GNAI1: variants seen among roughly 807,000 people sequenced by gnomAD.
GNAI1 encodes the protein guanine nucleotide-binding protein G(i) subunit alpha-1.
A neutral mutation model predicts 38.9 loss-of-function variants in GNAI1; 11 were observed. The observed-to-expected ratio is 0.28, with a 90% CI of 0.18 to 0.47. The LOEUF is 0.47. Ranked by LOEUF, GNAI1 falls within the 20% of genes least tolerant of loss-of-function variation. GNAI1 has a pLI of 0.99. For synonymous variants in GNAI1, 166 were observed against 145.1 expected (o/e 1.14, Z -1.04); for missense variants, 317 against 436.9 (o/e 0.73, Z 2.45).
intron 1 of GNAI1, among the ~76,000 whole-genome samples, chr7:80,178,087 A>G (rs1788222183): frequency 6.6e-6 from 1 of 152,238 alleles, no homozygotes; most frequent in South Asian, 2.1e-4. Context: ...TTGGGACTTC[A>G]GTAGAGGAAG....
At chr7:80,140,733 A>G (rs1477739646) in intron 1 of GNAI1, among the ~76,000 whole-genome samples, 2 of 152,168 alleles carry the variant, frequency 1.3e-5, no homozygotes, top group Non-Finnish European at 2.9e-5. Flanking sequence ...TAGGGCAAAA[A>G]ATTTTTTTTA....
intron 5 of GNAI1, among the ~76,000 whole-genome samples, chr7:80,207,038 T>C (rs937337201): frequency 4.6e-5 from 7 of 151,916 alleles, no homozygotes; most frequent in African/African-American, 7.3e-5. Flanking sequence ...ATGTGTGGAG[T>C]TGGAGTTAAC....
At chr7:80,171,054 C>T (rs912686333) in intron 1 of GNAI1, among the ~76,000 whole-genome samples, 23 of 152,088 alleles carry the variant, frequency 1.5e-4, no homozygotes, top group African/African-American at 5.6e-4. Context: ...TCTCTTAGTC[C>T]TAGAGCAACT....
At chr7:80,158,179 C>T (rs1255394899) in intron 1 of GNAI1, among the ~76,000 whole-genome samples, 2 of 152,162 alleles carry the variant, frequency 1.3e-5, no homozygotes, top group African/African-American at 4.8e-5. Context: ...CAACTTTGTT[C>T]TTCTCCTTCA....
chr7:80,208,031 C>G (rs1002115053), intron 5 of GNAI1, among the ~76,000 whole-genome samples: 1 of 152,084 alleles, frequency 6.6e-6, no homozygotes, highest in African/African-American at 2.4e-5. Context: ...AATGCAACAT[C>G]CAGTTTATGA....
At chr7:80,172,417 G>T (rs901462650) in intron 1 of GNAI1, among the ~76,000 whole-genome samples, 1 of 152,160 alleles carries the variant, frequency 6.6e-6, no homozygotes, top group Non-Finnish European at 1.5e-5. Context: ...ATCAGATTTT[G>T]TCTGTCAAAC....
chr7:80,201,814 A>G (rs1409450545), intron 4 of GNAI1, among the ~76,000 whole-genome samples: 1 of 152,222 alleles, frequency 6.6e-6, no homozygotes, highest in African/African-American at 2.4e-5. Context: ...TTAAGATGGC[A>G]CTAATGCGGC....
chr7:80,203,502 G>A (rs1434314700), intron 4 of GNAI1, among the ~76,000 whole-genome samples: 1 of 152,054 alleles, frequency 6.6e-6, no homozygotes, highest in Non-Finnish European at 1.5e-5. Flanking sequence ...TGTGGTTGCA[G>A]AGGTGTAAAC....
chr7:80,161,690 G>A (rs1787926331), intron 1 of GNAI1, among the ~76,000 whole-genome samples: 1 of 152,138 alleles, frequency 6.6e-6, no homozygotes. Context: ...TGCTGTGCTT[G>A]TTTCTAAAGT....
chr7:80,170,389 T>C (rs555628648), intron 1 of GNAI1, among the ~76,000 whole-genome samples: 1 of 152,334 alleles, frequency 6.6e-6, no homozygotes, highest in South Asian at 2.1e-4. Flanking sequence ...CCCTGATGAC[T>C]AATGTTATTG....
At chr7:80,216,060 G>A (rs906898636) in intron 7 of GNAI1, among the ~76,000 whole-genome samples, 1 of 152,082 alleles carries the variant, frequency 6.6e-6, no homozygotes, top group Non-Finnish European at 1.5e-5. Context: ...CAAAAGAGGG[G>A]TTTAAACAGT....
At chr7:80,212,154 G>A (rs948457421) in intron 6 of GNAI1, among the ~76,000 whole-genome samples, 1 of 152,058 alleles carries the variant, frequency 6.6e-6, no homozygotes, top group Non-Finnish European at 1.5e-5. Context: ...AGTAGGTGCA[G>A]TGCAACACCA....
intron 3 of GNAI1, among the ~76,000 whole-genome samples, chr7:80,197,983 T>C (rs915829173): frequency 6.6e-6 from 1 of 152,068 alleles, no homozygotes; most frequent in Admixed American, 6.6e-5. Flanking sequence ...AAATTAGGAA[T>C]TGTCCACCCA....
chr7:80,154,049 A>G (rs1486704791), intron 1 of GNAI1, among the ~76,000 whole-genome samples: 3 of 152,100 alleles, frequency 2.0e-5, no homozygotes, highest in Non-Finnish European at 4.4e-5. Flanking sequence ...TAGCCCCCCA[A>G]GTAGCTGGGA....
Position 80,135,098 on chromosome 7 carries a change from C to G in GNAI1, c.-63C>G. On this transcript the variant is annotated 5_prime_UTR_variant, in exon 1 of 8. Transcript: ENST00000649796. ...CCCGCTAGGAGAGAGAAAGGATTCC[C>G]CTGTGCTTGGAGCCCGCACTCGGGC... The G allele has an allele frequency of 8.7e-7, 1 of 1,150,100 alleles. No homozygotes were observed. Among genetic ancestry groups the G allele is most frequent in the South Asian group, 1.9e-5 (1 of 52,476 alleles). The allele number at this position is 1,150,100 out of a possible 1,614,324, so 71.2% of individuals were successfully genotyped here.
intron 1 of GNAI1, among the ~76,000 whole-genome samples, chr7:80,141,361 C>T (rs778275170): frequency 6.6e-6 from 1 of 152,180 alleles, no homozygotes; most frequent in Non-Finnish European, 1.5e-5. Context: ...GGGTGTAATC[C>T]ATACTGGGAC....
chr7:80,140,634 C>T (rs1002386431), intron 1 of GNAI1, among the ~76,000 whole-genome samples: 13 of 152,124 alleles, frequency 8.5e-5, no homozygotes, highest in African/African-American at 2.4e-4. Context: ...TTGAGTCTTA[C>T]GAACTAAGGT....
At chr7:80,135,954 A>T (rs1787406887) in intron 1 of GNAI1, 1 of 985,146 alleles carries the variant, frequency 1.0e-6, no homozygotes. Flanking sequence ...GCTTTGCTTT[A>T]GTAGTAGGCA....
chr7:80,181,914 A>G lies in GNAI1; in HGVS notation c.119-7037A>G, dbSNP rs982061854. On this transcript the variant is annotated intron_variant, in intron 1 of 7. Coordinates refer to ENST00000649796, the MANE Select transcript of GNAI1 (RefSeq NM_002069.6). ...AACATTTAAGATCTACTCTGTTAGT[A>G]GTTTTCAAGTATACAATATGTTGTT... 5.9e-5 allele frequency among the ~76,000 whole-genome samples: 9 copies of G among 152,174 alleles called. No homozygotes were observed. In the South Asian group the frequency reaches 1.9e-3, roughly 31 times the overall value.
Sources: allele counts gnomAD v4.1 joint callset (sites outside exome capture counted in the v4.1 genomes callset), GRCh38; gene constraint gnomAD v4.1.1; transcripts MANE v1.5; gene names NCBI Gene and HGNC (gene_info 2026-07-23, HGNC 2026-07-21).